Variants in ARVCF observed in about 807,000 individuals in gnomAD.
ARVCF encodes ARVCF delta catenin family member, also known as splicing regulator ARVCF.
Under a neutral mutation model 90.9 loss-of-function variants are expected in ARVCF, and 66 were observed. The ratio of observed to expected loss-of-function variants is 0.73; its 90% confidence interval spans 0.60 to 0.89. The LOEUF (loss-of-function observed/expected upper bound fraction) is 0.89. Among genes scored for constraint, ARVCF ranks in the 40% least tolerant of loss-of-function variants. The pLI is 0.00. For synonymous variants in ARVCF, 653 were observed against 603.4 expected, an observed-to-expected ratio of 1.08 and a Z score of -1.21; for missense variants, 1,469 against 1,382.3, an observed-to-expected ratio of 1.06 and a Z score of -1.00.
intron 2 of ARVCF, among the ~76,000 whole-genome samples, chr22:20,005,105 C>G (rs1385541974): frequency 6.6e-6 from 1 of 152,052 alleles, no homozygotes; most frequent in African/African-American, 2.4e-5. Context: ...AAGCAACCAA[C>G]AGAATGGGAG....
intron 3 of ARVCF, among the ~76,000 whole-genome samples, chr22:19,986,920 C>A (rs1943803950): frequency 6.6e-6 from 1 of 152,338 alleles, no homozygotes; most frequent in African/African-American, 2.4e-5. Context: ...GCCCTGGCCC[C>A]AGCCTGACGC....
At chr22:19,994,326 A>C (rs1449219871) in intron 2 of ARVCF, among the ~76,000 whole-genome samples, 1 of 65,724 alleles carries the variant, frequency 1.5e-5, no homozygotes, top group East Asian at 5.2e-4. Flanking sequence ...GGGTGGGTGG[A>C]GGGATGGTGG....
downstream of ARVCF, chr22:19,966,952 T>A: frequency 2.0e-6 from 2 of 985,406 alleles, no homozygotes; most frequent in Non-Finnish European, 2.4e-6. Context: ...AGATTTTCAG[T>A]CCTGCTCAGA....
At chr22:20,016,567 C>G (rs1203638265) in intron 1 of ARVCF, 22 bp downstream of exon 1, 19 of 151,934 alleles carry the variant, frequency 1.3e-4, no homozygotes, top group Admixed American at 1.2e-3. Context: ...GTCCCACACC[C>G]CGCCCACTGG....
At chr22:19,987,299 C>T (rs940084508) in intron 3 of ARVCF, 4 of 26,536 alleles carry the variant, frequency 1.5e-4, no homozygotes, top group Admixed American at 4.1e-4. Context: ...GCGTGGCGGG[C>T]GGGGGGCGGG....
At position 19,977,523 on chromosome 22, in the gene ARVCF, C is replaced by T. The variant is rs766161119; in HGVS notation, c.1762G>A (p.Gly588Arg). 22 of 1,597,210 alleles carry T rather than the reference C, an allele frequency of 1.4e-5. No homozygotes were observed. The highest frequency in any genetic ancestry group is 4.4e-5 in the South Asian group (4 of 89,962). ...LSYHVHKEVP[G>R]ADRYQEAEPG... ...TCGGCCTCCTGGTACCTGTCGGCCC[C>T]GGGCACCTCCTTGTGCACGTGGTAG... The change falls in exon 9 of 20, where the codon GGG becomes AGG. Residue 588 changes from glycine to arginine, a missense_variant. Physicochemically the swap from Gly to Arg is moderately radical, Grantham distance 125. Transcript: ENST00000263207.
chr22:19,974,112 C>T lies in ARVCF; in HGVS notation c.2088G>A (p.Met696Ile). The stretch of plus-strand genomic sequence containing the variant: ...CACCCTGCCCGACCTGGTCCCTCAC[C>T]ATCCAGTTGCCGGCACTGAGGTTCT... ...ALQNLSAGNWMWATYIRATVR... is the reference protein window; with the variant it reads ...ALQNLSAGNWIWATYIRATVR... The change falls in exon 12 of 20, where the codon ATG (methionine) becomes ATA (isoleucine). Residue 696 changes from methionine (M) to isoleucine (I), a missense_variant and splice_region_variant. Physicochemically the swap from Met to Ile is conservative, Grantham distance 10 (BLOSUM62 1). Coordinates refer to ENST00000263207, the MANE Select transcript of ARVCF (RefSeq NM_001670.3). 1 of 1,608,668 alleles carries T rather than the reference C, an allele frequency of 6.2e-7. No individual in the cohort carries two copies. The highest frequency in any genetic ancestry group is 8.5e-7 in the Non-Finnish European group (1 of 1,177,794).
chr22:19,978,190 G>T, intron 7 of ARVCF, 115 bp from the exon 8 acceptor site: 1 of 886,480 alleles, frequency 1.1e-6, no homozygotes, highest in Non-Finnish European at 1.7e-6. Context: ...TGCCCTCCTA[G>T]CACTAATGGG....
chr22:19,988,449 G>A (rs1416855921), intron 3 of ARVCF, among the ~76,000 whole-genome samples: 1 of 152,224 alleles, frequency 6.6e-6, no homozygotes, highest in Non-Finnish European at 1.5e-5. Context: ...CACCTAAGAC[G>A]AGCCCAAGGC....
At chr22:19,999,468 A>G (rs1286507491) in intron 2 of ARVCF, among the ~76,000 whole-genome samples, 6 of 151,890 alleles carry the variant, frequency 4.0e-5, no homozygotes, top group South Asian at 2.1e-4. Flanking sequence ...CACTTGCTGC[A>G]CCCCCAATGG....
chr22:19,977,010 T>C (rs1394585081), intron 9 of ARVCF, among the ~76,000 whole-genome samples: 1 of 142,864 alleles, frequency 7.0e-6, no homozygotes, highest in Non-Finnish European at 1.6e-5. Context: ...AGAGAAGGTG[T>C]GCAGGGCATC....
chr22:19,983,465 G>A (rs576262363), intron 3 of ARVCF, among the ~76,000 whole-genome samples: 1 of 152,326 alleles, frequency 6.6e-6, no homozygotes, highest in Non-Finnish European at 1.5e-5. Flanking sequence ...CTATCCTGGG[G>A]GAATACTTGA....
At chr22:20,008,257 G>A (rs796585232) in intron 2 of ARVCF, among the ~76,000 whole-genome samples, 1 of 152,188 alleles carries the variant, frequency 6.6e-6, no homozygotes, top group East Asian at 1.9e-4. Context: ...GCAGGCACAC[G>A]GCGGCTGATG....
At chr22:19,999,629 A>C (rs1049158069) in intron 2 of ARVCF, among the ~76,000 whole-genome samples, 4 of 152,156 alleles carry the variant, frequency 2.6e-5, no homozygotes, top group Non-Finnish European at 4.4e-5. Flanking sequence ...CGTAGGCCAT[A>C]TGGTTCAGAA....
At chr22:19,996,275 C>G (rs569728529) in intron 2 of ARVCF, among the ~76,000 whole-genome samples, 1 of 149,180 alleles carries the variant, frequency 6.7e-6, no homozygotes, top group African/African-American at 2.5e-5. Flanking sequence ...GAAAGACGCA[C>G]AAGCGTGACT....
At chr22:19,995,096 C>T (rs1014988474) in intron 2 of ARVCF, among the ~76,000 whole-genome samples, 4 of 151,290 alleles carry the variant, frequency 2.6e-5, no homozygotes, top group African/African-American at 9.7e-5. Flanking sequence ...GGGTGGGTGG[C>T]TGGAGGGATG....
At position 19,971,249 on chromosome 22, in the gene ARVCF, C is replaced by T. The variant is rs1435886611; in HGVS notation, c.2868G>A (p.Gln956=). 8.4e-6 allele frequency: 13 copies of T among 1,555,604 alleles called. No individual in the cohort carries two copies. The highest frequency in any genetic ancestry group is 1.1e-5 in the Non-Finnish European group (13 of 1,148,786). ...LVDAVGDAKP[Q]PVDSWV ...CAAGCTAGACCCAGGAATCAACGGGCTGAGGCTTAGCGTCCCCTACGGCGT... is the reference window on the plus strand; with the variant it reads ...CAAGCTAGACCCAGGAATCAACGGGTTGAGGCTTAGCGTCCCCTACGGCGT... Residue 956 remains glutamine (Q), a synonymous_variant, in exon 19 of 20, where the codon CAG becomes CAA. Coordinates refer to ENST00000263207, the MANE Select transcript of ARVCF (RefSeq NM_001670.3).
rs543438875 is a variant in ARVCF at position 20,003,145 on chromosome 22, T to C, written c.-19+7310A>G. 1.4e-4 allele frequency among the ~76,000 whole-genome samples: 21 copies of C among 152,338 alleles called. 1 individual carries two copies. The East Asian group carries it at 4.0e-3, about 29-fold the overall frequency. ...ACCCAGATGAAATGGAAAAATTTCC[T>C]AGAAACACACAACCTACCAAGACTG... On this transcript the variant is annotated intron_variant, in intron 2 of 19. Coordinates refer to ENST00000263207, the MANE Select transcript of ARVCF (RefSeq NM_001670.3).
intron 1 of ARVCF, among the ~76,000 whole-genome samples, chr22:20,011,477 C>T (rs902641363): frequency 1.1e-4 from 16 of 151,354 alleles, no homozygotes; most frequent in African/African-American, 2.9e-4. Context: ...GGTGCCCCAA[C>T]GGTGTGTTTC....
Sources: gnomAD v4.1 joint callset for allele counts (sites outside exome capture counted in the v4.1 genomes callset) on GRCh38, gnomAD v4.1.1 for gene constraint, MANE v1.5 for transcripts, NCBI Gene and HGNC (gene_info 2026-07-23, HGNC 2026-07-21) for gene names.